Variants in HECW2 observed in about 807,000 individuals in gnomAD.
HECW2 encodes HECT, C2 and WW domain containing E3 ubiquitin protein ligase 2, also known as E3 ubiquitin-protein ligase HECW2.
In HECW2, 61 loss-of-function variants were observed where a neutral mutation model predicts 175.2. The observed-to-expected ratio is 0.35, with a 90% confidence interval of 0.28 to 0.43. The LOEUF (loss-of-function observed/expected upper bound fraction) is 0.43. Ranked by LOEUF, HECW2 falls within the 20% of genes least tolerant of loss-of-function variation. The pLI is 1.00. For synonymous variants in HECW2, 671 were observed against 731.0 expected (o/e 0.92, Z 1.32); for missense variants, 1,524 against 2,000.5 (o/e 0.76, Z 4.54).
At chr2:196,535,917 T>TTA (rs994948324) in intron 1 of HECW2, among the ~76,000 whole-genome samples, 1 of 151,570 alleles carries the variant, frequency 6.6e-6, no homozygotes, top group African/African-American at 2.4e-5. Flanking sequence ...TATTATGTGT[T>TTA]AAAAAAAAAT....
intron 2 of HECW2, among the ~76,000 whole-genome samples, chr2:196,356,478 C>G (rs774275443): frequency 6.6e-6 from 1 of 152,116 alleles, no homozygotes; most frequent in Non-Finnish European, 1.5e-5. Flanking sequence ...TTGCATTGTC[C>G]CTTCCATCCC....
intron 16 of HECW2, among the ~76,000 whole-genome samples, 160 bp from the exon 17 acceptor site, chr2:196,271,449 A>AC (rs1689734424): frequency 5.6e-5 from 3 of 53,932 alleles, no homozygotes; most frequent in Non-Finnish European, 3.8e-4. Context: ...ATGCTCAGCT[A>AC]ATTTTTTTTT....
intron 19 of HECW2, among the ~76,000 whole-genome samples, chr2:196,244,115 G>A (rs1688562206): frequency 6.6e-6 from 1 of 152,312 alleles, no homozygotes; most frequent in South Asian, 2.1e-4. Context: ...ACAAATGAGT[G>A]AACTAAATAG....
intron 2 of HECW2, among the ~76,000 whole-genome samples, chr2:196,388,317 T>A (rs912301510): frequency 1.3e-5 from 2 of 152,152 alleles, no homozygotes; most frequent in African/African-American, 4.8e-5. Context: ...ATTTTCTTAT[T>A]ATAATTGTAC....
At chr2:196,400,361 G>C (rs1029159519) in intron 2 of HECW2, among the ~76,000 whole-genome samples, 4 of 152,154 alleles carry the variant, frequency 2.6e-5, no homozygotes, top group African/African-American at 9.7e-5. Flanking sequence ...AAGGAGAGTA[G>C]AGTATATGAC....
At chr2:196,443,730 C>T (rs370283333) in intron 1 of HECW2, among the ~76,000 whole-genome samples, 87 of 152,258 alleles carry the variant, frequency 5.7e-4, no homozygotes, top group East Asian at 4.4e-3. Flanking sequence ...GTGGTTTGCT[C>T]GTTTATTAAC....
chr2:196,436,748 G>GTT lies in HECW2; in HGVS notation c.-35-3292_-35-3291dup, dbSNP rs11446539. On this transcript the variant is annotated intron_variant, in intron 1 of 28. Coordinates refer to ENST00000644978, the MANE Select transcript of HECW2 (RefSeq NM_001348768.2). ...TATGCTAAATAGTAAAAAGAGTAAG[G>GTT]TTTTTTTTTTTTTCAATTTCTTTCT... Among the ~76,000 whole-genome samples, 685 of 146,416 alleles carry GTT rather than the reference G, an allele frequency of 4.7e-3. 5 individuals carry two copies. The highest frequency in any genetic ancestry group is 0.033 in the East Asian group (168 of 5,050).
At chr2:196,367,434 A>G (rs1187967014) in intron 2 of HECW2, among the ~76,000 whole-genome samples, 1 of 152,230 alleles carries the variant, frequency 6.6e-6, no homozygotes, top group East Asian at 1.9e-4. Flanking sequence ...TAATAATCAC[A>G]TCAGGGTAAA....
chr2:196,517,390 C>G, intron 1 of HECW2, among the ~76,000 whole-genome samples: 1 of 152,086 alleles, frequency 6.6e-6, no homozygotes, highest in Non-Finnish European at 1.5e-5. Context: ...ATGCCATGGT[C>G]ACAGGTTCCT....
intron 1 of HECW2, among the ~76,000 whole-genome samples, chr2:196,464,992 C>T (rs1418714732): frequency 2.0e-5 from 3 of 152,050 alleles, no homozygotes; most frequent in African/African-American, 2.4e-5. Flanking sequence ...GCCGAAATCG[C>T]GCCACTGCAC....
At chr2:196,497,439 T>C (rs1687433714) in intron 1 of HECW2, among the ~76,000 whole-genome samples, 2 of 152,202 alleles carry the variant, frequency 1.3e-5, no homozygotes, top group South Asian at 2.1e-4. Flanking sequence ...ACCAGCTCAA[T>C]ATCTGGTAGA....
At position 196,271,292 on chromosome 2, in the gene HECW2, G is replaced by GA. The variant is rs768443109; in HGVS notation, c.3239-4dup. 1,567 of 1,548,646 alleles carry GA rather than the reference G, an allele frequency of 1.0e-3. No homozygotes were observed. Among genetic ancestry groups the GA allele is most frequent in the Non-Finnish European group, 1.2e-3 (1,358 of 1,129,178 alleles). On this transcript the variant is annotated splice_region_variant and splice_polypyrimidine_tract_variant and intron_variant, in intron 16 of 28. Coordinates refer to ENST00000644978, the MANE Select transcript of HECW2 (RefSeq NM_001348768.2). The stretch of plus-strand genomic sequence containing the variant: ...TGCAACAATCTTGTCATTGTAAGCT[G>GA]AAAAAAAAATCAGAAAAGACAACAA...
At chr2:196,460,621 T>G (rs1476495610) in intron 1 of HECW2, among the ~76,000 whole-genome samples, 10 of 152,018 alleles carry the variant, frequency 6.6e-5, no homozygotes, top group Non-Finnish European at 1.5e-4. Context: ...GTTTTGTTTT[T>G]GTTTGTGAGA....
At chr2:196,379,807 T>C (rs1694158573) in intron 2 of HECW2, among the ~76,000 whole-genome samples, 1 of 150,118 alleles carries the variant, frequency 6.7e-6, no homozygotes, top group South Asian at 2.1e-4. Flanking sequence ...GTCAGGACAA[T>C]GGTTACCTTT....
chr2:196,324,534 T>C (rs1334539429), intron 6 of HECW2, among the ~76,000 whole-genome samples: 2 of 152,146 alleles, frequency 1.3e-5, no homozygotes, highest in Non-Finnish European at 2.9e-5. Flanking sequence ...TTCCTTTAAT[T>C]TGTACTAAAT....
At chr2:196,396,219 G>C (rs1038387273) in intron 2 of HECW2, among the ~76,000 whole-genome samples, 7 of 152,148 alleles carry the variant, frequency 4.6e-5, no homozygotes, top group African/African-American at 1.7e-4. Flanking sequence ...CTGGGGAGAG[G>C]AGAGAATGAA....
At chr2:196,592,401 A>C (rs1691231062) in intron 1 of HECW2, 1 of 152,234 alleles carries the variant, frequency 6.6e-6, no homozygotes, top group Admixed American at 6.5e-5. Flanking sequence ...AATTAATAAT[A>C]ATAAACGACG....
At chr2:196,529,183 G>C (rs1444320606) in intron 1 of HECW2, among the ~76,000 whole-genome samples, 2 of 152,134 alleles carry the variant, frequency 1.3e-5, no homozygotes, top group African/African-American at 4.8e-5. Flanking sequence ...AGAACTCAAA[G>C]GACTTCTGGC....
intron 1 of HECW2, among the ~76,000 whole-genome samples, chr2:196,496,767 AT>A (rs1406751795): frequency 6.6e-6 from 1 of 152,154 alleles, no homozygotes; most frequent in African/African-American, 2.4e-5. Context: ...AGAAGTAAAT[AT>A]TTTTTCTAAA....
Sources: allele counts gnomAD v4.1 joint callset (sites outside exome capture counted in the v4.1 genomes callset), GRCh38; gene constraint gnomAD v4.1.1; transcripts MANE v1.5; gene names NCBI Gene and HGNC (gene_info 2026-07-23, HGNC 2026-07-21).